The following CHAT variants were observed in gnomAD, a reference collection of about 807,000 sequenced individuals.
CHAT encodes choline O-acetyltransferase.
A neutral mutation model predicts 76.9 loss-of-function variants in CHAT; 61 were observed. That is an observed-to-expected ratio of 0.79 (90% CI 0.65 to 0.98). The LOEUF (loss-of-function observed/expected upper bound fraction) is 0.98. Ranked by LOEUF, CHAT falls within the 50% of genes least tolerant of loss-of-function variation. The pLI, the probability that CHAT is intolerant of heterozygous loss-of-function variation, is 0.00. For missense variants in CHAT, 946 were observed against 986.9 expected (o/e 0.96, Z 0.56); for synonymous variants, 407 against 397.4 (o/e 1.02, Z -0.29).
intron 13 of CHAT, among the ~76,000 whole-genome samples, chr10:49,656,750 A>G (rs1168276849): frequency 1.3e-5 from 2 of 152,160 alleles, no homozygotes; most frequent in African/African-American, 4.8e-5. Flanking sequence ...GGGTGGAAGA[A>G]GGACTGGTTG....
chr10:49,620,947 C>T (rs557356186), intron 4 of CHAT, among the ~76,000 whole-genome samples: 1 of 152,358 alleles, frequency 6.6e-6, no homozygotes, highest in East Asian at 1.9e-4. Context: ...AGTACTTGTC[C>T]CTGGGAAACA....
chr10:49,658,641 G>A (rs905398639), intron 13 of CHAT, among the ~76,000 whole-genome samples: 3 of 152,278 alleles, frequency 2.0e-5, no homozygotes, highest in Non-Finnish European at 2.9e-5. Flanking sequence ...CCCGGGAGTC[G>A]GAAGTTGCGG....
rs117634328 is a variant in CHAT at position 49,663,101 on chromosome 10, G to A, written c.1977+319G>A. 8.0e-3 allele frequency among the ~76,000 whole-genome samples: 1,218 copies of A among 152,176 alleles called. 60 individuals carry two copies. In the East Asian group the frequency reaches 0.13, roughly 16 times the overall value. On this transcript the variant is annotated intron_variant, in intron 14 of 14. Coordinates refer to ENST00000337653, the MANE Select transcript of CHAT (RefSeq NM_020549.5). ...AAAAATTAGCTGGGCATGGTGGTGC[G>A]TGCCTGAAGTCCCAGCTACTAAAGA...
At position 49,664,847 on chromosome 10, in the gene CHAT, A is replaced by G. The variant is rs1452209670; in HGVS notation, c.2048A>G (p.Asn683Ser). The stretch of plus-strand genomic sequence containing the variant: ...CCAAATGGGTATGGTGCCTGCTACA[A>G]CCCCCAGCCAGAGACCATCCTTTTC... ...VVPNGYGACY[N>S]PQPETILFCI... Residue 683 changes from asparagine to serine, a missense_variant, in exon 15 of 15, where the codon AAC becomes AGC. Coordinates refer to ENST00000337653, the MANE Select transcript of CHAT (RefSeq NM_020549.5). 6.2e-7 allele frequency: 1 copy of G among 1,613,878 alleles called. No homozygotes were observed. Among genetic ancestry groups the G allele is most frequent in the Non-Finnish European group, 8.5e-7 (1 of 1,179,990 alleles).
At chr10:49,610,804 G>A (rs141439763), upstream of CHAT, 3 of 1,593,942 alleles carry the variant, frequency 1.9e-6, no homozygotes, top group African/African-American at 4.0e-5. Context: ...GGAGGCTGTG[G>A]GCGCGGCGCT....
intron 13 of CHAT, among the ~76,000 whole-genome samples, chr10:49,656,463 T>C (rs1041200510): frequency 6.6e-6 from 1 of 152,058 alleles, no homozygotes; most frequent in African/African-American, 2.4e-5. Context: ...CCTCAGAAAG[T>C]AGCAGGGGAC....
At chr10:49,642,086 C>T (rs1000571995) in intron 7 of CHAT, among the ~76,000 whole-genome samples, 5 of 152,192 alleles carry the variant, frequency 3.3e-5, no homozygotes, top group Admixed American at 2.6e-4. Flanking sequence ...CAGGCTCCTC[C>T]TATTACTCAA....
At chr10:49,641,406 C>T (rs1214205362) in intron 7 of CHAT, among the ~76,000 whole-genome samples, 3 of 152,090 alleles carry the variant, frequency 2.0e-5, no homozygotes, top group South Asian at 2.1e-4. Context: ...AAGTTTTTAG[C>T]GGGAGGAATG....
intron 13 of CHAT, among the ~76,000 whole-genome samples, chr10:49,657,802 T>C (rs994720730): frequency 3.3e-5 from 5 of 152,174 alleles, no homozygotes; most frequent in African/African-American, 9.7e-5. Context: ...CAGAAACTGA[T>C]GGTTGGGGCC....
At position 49,642,119 on chromosome 10, in the gene CHAT, CG is replaced by C. The variant is rs1455081530; in HGVS notation, c.1112-4383del. On this transcript the variant is annotated intron_variant, in intron 7 of 14. Coordinates refer to ENST00000337653, the MANE Select transcript of CHAT (RefSeq NM_020549.5). Reference sequence around the variant, plus strand: ...CAATCCCCACCTCTCACTATTACGCCGGGCTCCTTGAGGAAGATTGATTCGC... The same window carrying C: ...CAATCCCCACCTCTCACTATTACGCCGGCTCCTTGAGGAAGATTGATTCGC... Among the ~76,000 whole-genome samples the C allele has an allele frequency of 2.0e-5, 3 of 152,174 alleles. No homozygotes were observed. In the East Asian group the frequency reaches 5.8e-4, roughly 29 times the overall value.
chr10:49,612,132 C>A (rs757904152), upstream of CHAT: 1 of 1,612,212 alleles, frequency 6.2e-7, no homozygotes, highest in East Asian at 2.2e-5. Context: ...TCTATGCTCC[C>A]GTCTTGCTGC....
At chr10:49,616,635 G>A (rs1441836075) in intron 2 of CHAT, 33 bp downstream of exon 2, 5 of 1,436,262 alleles carry the variant, frequency 3.5e-6, no homozygotes, top group South Asian at 2.4e-5. Flanking sequence ...TCTCAACCCT[G>A]CTTTCCCCAC....
At chr10:49,637,310 A>G (rs1231194133) in intron 7 of CHAT, 1 of 152,152 alleles carries the variant, frequency 6.6e-6, no homozygotes, top group East Asian at 1.9e-4. Flanking sequence ...AAATTTTCAT[A>G]TGGTGTATTT....
chr10:49,651,962 C>G lies in CHAT; in HGVS notation c.1590C>G (p.Ser530Arg). Residue 530 changes from serine (S) to arginine (R), a missense_variant, in exon 11 of 15, where the codon AGC becomes AGG. Transcript: ENST00000337653. ...GKTFIKKQKC[S>R]PDAFIQVALQ... ...CATTCATTAAGAAGCAGAAATGCAG[C>G]CCTGATGCCTTCATCCAGGTGGCCC... 1.2e-6 allele frequency: 2 copies of G among 1,614,210 alleles called. No individual in the cohort carries two copies. Among genetic ancestry groups the G allele is most frequent in the Admixed American group, 1.7e-5 (1 of 60,030 alleles).
chr10:49,633,165 A>C (rs1214311647), intron 7 of CHAT, among the ~76,000 whole-genome samples: 1 of 152,210 alleles, frequency 6.6e-6, no homozygotes, highest in Non-Finnish European at 1.5e-5. Context: ...GGATGATGAC[A>C]TCAGGATTGT....
upstream of CHAT, among the ~76,000 whole-genome samples, chr10:49,609,845 A>G (rs1489603114): frequency 1.3e-5 from 2 of 152,126 alleles, no homozygotes; most frequent in African/African-American, 4.8e-5. Flanking sequence ...AGATGGACGC[A>G]GCGGCGGCTC....
chr10:49,620,616 G>T lies in CHAT; in HGVS notation c.698+3G>T, dbSNP rs1479520468. 6.2e-7 allele frequency: 1 copy of T among 1,607,098 alleles called. No individual in the cohort carries two copies. The highest frequency in any genetic ancestry group is 1.1e-5 in the South Asian group (1 of 90,962). ...CCTGGCACCGATGACCAGCTGAGGT[G>T]AGGCCTTGGTGCTCCTAGCTCATAA... On this transcript the variant is annotated splice_donor_region_variant and intron_variant, in intron 4 of 14. Coordinates refer to ENST00000337653, the MANE Select transcript of CHAT (RefSeq NM_020549.5).
In CHAT at chr10:49,655,209, C is replaced by G. The variant is rs201580702; in HGVS notation, c.1749C>G (p.Ala583=). 1.9e-6 allele frequency: 3 copies of G among 1,614,064 alleles called. No individual in the cohort carries two copies. The Admixed American group carries it at 5.0e-5, about 27-fold the overall frequency. ...ATPEALAFVR[A]VTDHKAAVPA... is the part of the protein sequence containing the mutation. ...CAGAGGCACTGGCTTTTGTGAGAGC[C>G]GTGACTGACCACAAGGCTGCTGTGC... Residue 583 remains alanine (A), a synonymous_variant, in exon 12 of 15, where the codon GCC becomes GCG. Transcript: ENST00000337653.
At chr10:49,620,189 G>C (rs192295382) in intron 3 of CHAT, among the ~76,000 whole-genome samples, 1 of 152,180 alleles carries the variant, frequency 6.6e-6, no homozygotes, top group East Asian at 1.9e-4. Flanking sequence ...TGAGGACAGA[G>C]ATCGCATTAG....
Sources: gnomAD v4.1 joint callset for allele counts (sites outside exome capture counted in the v4.1 genomes callset) on GRCh38, gnomAD v4.1.1 for gene constraint, MANE v1.5 for transcripts, NCBI Gene and HGNC (gene_info 2026-07-23, HGNC 2026-07-21) for gene names.